The following SPATS2L variants were observed in gnomAD, a reference collection of about 807,000 sequenced individuals.
SPATS2L encodes SPATS2-like protein.
A neutral mutation model predicts 59.6 loss-of-function variants in SPATS2L; 30 were observed. The observed-to-expected ratio is 0.50, with a 90% confidence interval of 0.38 to 0.68. The LOEUF (loss-of-function observed/expected upper bound fraction) is 0.68. Among genes scored for constraint, SPATS2L ranks in the 30% least tolerant of loss-of-function variants. The pLI is 0.00. For synonymous variants in SPATS2L, 252 were observed against 263.5 expected (o/e 0.96, Z 0.42); for missense variants, 615 against 700.0 (o/e 0.88, Z 1.37).
chr2:200,332,932 A>C (rs977584212), intron 2 of SPATS2L, among the ~76,000 whole-genome samples: 1 of 152,102 alleles, frequency 6.6e-6, no homozygotes, highest in African/African-American at 2.4e-5. Flanking sequence ...GCAGTAAAAA[A>C]ATGAACTAGA....
intron 4 of SPATS2L, among the ~76,000 whole-genome samples, chr2:200,413,336 G>A (rs957267603): frequency 2.6e-5 from 4 of 152,034 alleles, no homozygotes; most frequent in African/African-American, 7.2e-5. Context: ...TAAAAATTTT[G>A]TTGTTTAGGT....
At chr2:200,311,006 G>T (rs967788232) in intron 1 of SPATS2L, among the ~76,000 whole-genome samples, 5 of 152,190 alleles carry the variant, frequency 3.3e-5, no homozygotes, top group African/African-American at 4.8e-5. Flanking sequence ...CAACTAGATA[G>T]TAAGGCACTG....
intron 9 of SPATS2L, among the ~76,000 whole-genome samples, chr2:200,463,586 C>T (rs530453163): frequency 8.3e-4 from 126 of 152,212 alleles, no homozygotes; most frequent in Admixed American, 1.7e-3. Context: ...TCCACAATAC[C>T]CCTACAACAT....
intron 2 of SPATS2L, among the ~76,000 whole-genome samples, chr2:200,375,826 C>T (rs572182314): frequency 6.6e-6 from 1 of 152,034 alleles, no homozygotes; most frequent in African/African-American, 2.4e-5. Context: ...AGGGTTTCAC[C>T]GTGTTGCCCA....
chr2:200,479,245 GGTT>G lies in SPATS2L; in HGVS notation c.*1216_*1218del. The G allele has an allele frequency of 3.8e-6, 1 of 261,706 alleles. No individual in the cohort carries two copies. The highest frequency in any genetic ancestry group is 2.2e-5 in the African/African-American group (1 of 45,920). The allele number at this position is 261,706 out of a possible 1,614,324, so 16.2% of individuals were successfully genotyped here. ...TATCTTAGCTCTCCTTTCCTCCTTG[GGTT>G]GACATTGCATTCAGAATTGTGGCAA... is the stretch of plus-strand genomic sequence containing the variant. On this transcript the variant is annotated 3_prime_UTR_variant, in exon 13 of 13. Transcript: ENST00000409140.
intron 8 of SPATS2L, among the ~76,000 whole-genome samples, chr2:200,446,670 C>T (rs974031201): frequency 2.6e-5 from 4 of 152,106 alleles, no homozygotes; most frequent in African/African-American, 9.7e-5. Context: ...GTCCTGCCAC[C>T]TCGGTTCTGC....
chr2:200,314,542 T>G (rs1032336591), intron 1 of SPATS2L, among the ~76,000 whole-genome samples: 1 of 152,214 alleles, frequency 6.6e-6, no homozygotes, highest in Non-Finnish European at 1.5e-5. Flanking sequence ...TTCTGCATCT[T>G]CAGGTTAAAA....
chr2:200,452,379 T>C (rs2085520328), intron 8 of SPATS2L, among the ~76,000 whole-genome samples: 1 of 152,140 alleles, frequency 6.6e-6, no homozygotes, highest in Non-Finnish European at 1.5e-5. Context: ...GAAAAAGAAA[T>C]CCCTGTATAT....
chr2:200,471,467 C>T (rs2087032522), intron 11 of SPATS2L, among the ~76,000 whole-genome samples: 1 of 152,144 alleles, frequency 6.6e-6, no homozygotes, highest in Non-Finnish European at 1.5e-5. Context: ...CTCCTTTCCT[C>T]CTGAGCACTT....
At chr2:200,423,262 G>C (rs2083390700) in intron 6 of SPATS2L, among the ~76,000 whole-genome samples, 1 of 152,188 alleles carries the variant, frequency 6.6e-6, no homozygotes, top group African/African-American at 2.4e-5. Context: ...AAATTATGAA[G>C]GTTCATCAGA....
At chr2:200,369,320 G>A (rs1216686299) in intron 2 of SPATS2L, among the ~76,000 whole-genome samples, 1 of 152,028 alleles carries the variant, frequency 6.6e-6, no homozygotes, top group Non-Finnish European at 1.5e-5. Flanking sequence ...CACCATGCCC[G>A]ACAAATTTTT....
Position 200,389,239 on chromosome 2 carries a change from A to G in SPATS2L, c.-6A>G. 1 of 1,580,302 alleles carries G rather than the reference A, an allele frequency of 6.3e-7. No individual in the cohort carries two copies. Among genetic ancestry groups the G allele is most frequent in the Non-Finnish European group, 8.6e-7 (1 of 1,160,550 alleles). ...TCTTTATAGGGCCTATTCCACTAGA[A>G]GCAAGATGGCTGAACTCAATACTCA... On this transcript the variant is annotated 5_prime_UTR_variant, in exon 3 of 13. Coordinates refer to ENST00000409140, the MANE Select transcript of SPATS2L (RefSeq NM_001100423.2).
chr2:200,406,194 G>C (rs2082681731), intron 3 of SPATS2L, among the ~76,000 whole-genome samples: 1 of 152,146 alleles, frequency 6.6e-6, no homozygotes, highest in African/African-American at 2.4e-5. Context: ...TGTCAATGCT[G>C]GAAGAAGTGT....
chr2:200,467,696 G>A (rs2086692966), intron 10 of SPATS2L, among the ~76,000 whole-genome samples: 1 of 152,132 alleles, frequency 6.6e-6, no homozygotes, highest in South Asian at 2.1e-4. Context: ...AGCTGGGATG[G>A]GGGATATTAT....
chr2:200,306,263 G>A (rs1469111105), upstream of SPATS2L: 2 of 1,002,284 alleles, frequency 2.0e-6, no homozygotes, highest in African/African-American at 1.7e-5. Flanking sequence ...TTTGCAGACA[G>A]TGCTGAGGGA....
At chr2:200,426,314 T>G (rs2083578762) in intron 6 of SPATS2L, among the ~76,000 whole-genome samples, 1 of 152,086 alleles carries the variant, frequency 6.6e-6, no homozygotes, top group African/African-American at 2.4e-5. Context: ...ATGGTCTCAA[T>G]CTCCTGACCT....
intron 6 of SPATS2L, among the ~76,000 whole-genome samples, chr2:200,434,041 CAACAA>C (rs967592243): frequency 6.6e-6 from 1 of 151,892 alleles, no homozygotes; most frequent in African/African-American, 2.4e-5. Flanking sequence ...CAAAAATCCT[CAACAA>C]AACATTAACA....
chr2:200,439,275 A>G lies in SPATS2L; in HGVS notation c.599A>G (p.Asn200Ser), dbSNP rs774943560. Residue 200 changes from asparagine (N) to serine (S), a missense_variant, in exon 7 of 13, where the codon AAT becomes AGT. Asn to Ser is a conservative substitution (Grantham distance 46). Coordinates refer to ENST00000409140, the MANE Select transcript of SPATS2L (RefSeq NM_001100423.2). ...PKAKTSPVKS[N>S]TPAAHLEIKP... ...GCAAAAACATCTCCTGTTAAGTCCAATACCCCTGCAGCTCATCTTGAAATA... is the reference window on the plus strand; with the variant it reads ...GCAAAAACATCTCCTGTTAAGTCCAGTACCCCTGCAGCTCATCTTGAAATA... The G allele has an allele frequency of 6.8e-6, 11 of 1,613,610 alleles. No homozygotes were observed. Among genetic ancestry groups the G allele is most frequent in the East Asian group, 2.2e-5 (1 of 44,872 alleles).
chr2:200,352,719 C>T (rs1027708457), intron 2 of SPATS2L, among the ~76,000 whole-genome samples: 1 of 152,154 alleles, frequency 6.6e-6, no homozygotes, highest in Non-Finnish European at 1.5e-5. Context: ...GGGTTCAGCT[C>T]TGCAGACAAT....
Sources: gnomAD v4.1 joint callset for allele counts (sites outside exome capture counted in the v4.1 genomes callset) on GRCh38, gnomAD v4.1.1 for gene constraint, MANE v1.5 for transcripts, NCBI Gene and HGNC (gene_info 2026-07-23, HGNC 2026-07-21) for gene names.